UNC79: variants seen among roughly 807,000 people sequenced by gnomAD.
UNC79 encodes the protein protein unc-79 homolog.
A neutral mutation model predicts 283.1 loss-of-function variants in UNC79; 37 were observed. The ratio of observed to expected loss-of-function variants is 0.13; its 90% CI spans 0.10 to 0.17. The LOEUF is 0.17. Among genes scored for constraint, UNC79 ranks in the 10% least tolerant of loss-of-function variants. The pLI is 1.00. For missense variants in UNC79, 2,272 were observed against 3,211.1 expected (o/e 0.71, Z 7.07); for synonymous variants, 1,107 against 1,200.2 (o/e 0.92, Z 1.61).
intron 42 of UNC79, among the ~76,000 whole-genome samples, chr14:93,685,689 C>T (rs147376789): frequency 2.0e-5 from 3 of 152,188 alleles, no homozygotes; most frequent in African/African-American, 7.2e-5. Context: ...AGGCCTTTAG[C>T]GTAGTATTCA....
intron 8 of UNC79, among the ~76,000 whole-genome samples, chr14:93,524,359 A>C (rs192557943): frequency 5.1e-4 from 77 of 152,344 alleles, no homozygotes; most frequent in African/African-American, 1.7e-3. Context: ...ACTCAGGGAA[A>C]TGTATTTTCT....
intron 1 of UNC79, among the ~76,000 whole-genome samples, chr14:93,438,071 C>T (rs2056155272): frequency 6.6e-6 from 1 of 152,138 alleles, no homozygotes; most frequent in Non-Finnish European, 1.5e-5. Context: ...AGCTATTCTT[C>T]CATTGGTTTT....
chr14:93,503,165 T>G (rs1275248425), intron 7 of UNC79, among the ~76,000 whole-genome samples: 8 of 152,136 alleles, frequency 5.3e-5, no homozygotes, highest in African/African-American at 1.9e-4. Flanking sequence ...AAAAATGGAA[T>G]AATCCATTAT....
intron 1 of UNC79, among the ~76,000 whole-genome samples, chr14:93,354,710 C>T (rs1402209448): frequency 6.6e-6 from 1 of 152,108 alleles, no homozygotes; most frequent in African/African-American, 2.4e-5. Context: ...CTATGTTGCC[C>T]AGACTGGTCT....
intron 5 of UNC79, among the ~76,000 whole-genome samples, chr14:93,494,424 A>G (rs897125737): frequency 3.9e-5 from 6 of 152,214 alleles, no homozygotes; most frequent in African/African-American, 1.4e-4. Context: ...TGGAAGAAGA[A>G]GATCAGGCCT....
chr14:93,660,565 G>A (rs5003592), intron 39 of UNC79, among the ~76,000 whole-genome samples: 1,151 of 83,666 alleles, frequency 0.014, 6 homozygotes, highest in African/African-American at 0.04. Flanking sequence ...ATATATATAT[G>A]TGTGTGTGTG....
At chr14:93,601,571 G>T (rs1596024858) in intron 25 of UNC79, among the ~76,000 whole-genome samples, 1 of 152,178 alleles carries the variant, frequency 6.6e-6, no homozygotes, top group Non-Finnish European at 1.5e-5. Flanking sequence ...ACATGCATGT[G>T]CAAATGTCTT....
chr14:93,564,608 G>A (rs1026912243), intron 14 of UNC79, among the ~76,000 whole-genome samples: 9 of 152,222 alleles, frequency 5.9e-5, no homozygotes, highest in Non-Finnish European at 8.8e-5. Flanking sequence ...CACCAAACAG[G>A]CTTTGTGTGA....
At chr14:93,576,258 G>T (rs1413814263) in intron 17 of UNC79, among the ~76,000 whole-genome samples, 1 of 152,126 alleles carries the variant, frequency 6.6e-6, no homozygotes, top group Non-Finnish European at 1.5e-5. Flanking sequence ...TCTTAATGGG[G>T]TAATCTTCCT....
At chr14:93,481,791 A>G (rs535770485) in intron 4 of UNC79, among the ~76,000 whole-genome samples, 1 of 152,350 alleles carries the variant, frequency 6.6e-6, no homozygotes, top group African/African-American at 2.4e-5. Flanking sequence ...ATATTTAAAT[A>G]ATCTTTAATA....
intron 1 of UNC79, among the ~76,000 whole-genome samples, chr14:93,452,367 A>T (rs956045003): frequency 2.8e-5 from 4 of 144,658 alleles, no homozygotes; most frequent in Admixed American, 7.2e-5. Flanking sequence ...TTACACCTGG[A>T]CTGCATGATT....
At chr14:93,643,026 G>A (rs1416771134) in intron 33 of UNC79, among the ~76,000 whole-genome samples, 2 of 152,258 alleles carry the variant, frequency 1.3e-5, no homozygotes, top group Admixed American at 6.5e-5. Flanking sequence ...AAACTCATCT[G>A]AGTGAGTGGT....
chr14:93,433,438 A>G (rs886956940), intron 1 of UNC79, among the ~76,000 whole-genome samples: 4 of 152,240 alleles, frequency 2.6e-5, no homozygotes, highest in African/African-American at 4.8e-5. Context: ...GTTGATGTTC[A>G]TGAAGGACAA....
upstream of UNC79, among the ~76,000 whole-genome samples, chr14:93,427,444 A>G (rs1296351318): frequency 6.6e-6 from 1 of 152,194 alleles, no homozygotes; most frequent in Non-Finnish European, 1.5e-5. Context: ...ATGTAAAATA[A>G]TATATGTTGC....
At chr14:93,655,471 A>C in intron 38 of UNC79, 64 bp downstream of exon 41, 1 of 1,574,716 alleles carries the variant, frequency 6.4e-7, no homozygotes, top group Non-Finnish European at 8.7e-7. Flanking sequence ...GTTTATTTAC[A>C]AGCAGCAGAG....
intron 1 of UNC79, among the ~76,000 whole-genome samples, chr14:93,402,371 GAAAC>G (rs1031669316): frequency 5.4e-5 from 8 of 148,410 alleles, no homozygotes; most frequent in African/African-American, 1.7e-4. Context: ...TTATTTTTAT[GAAAC>G]AAACTGTCAA....
chr14:93,606,213 C>T (rs1300256888), intron 26 of UNC79, among the ~76,000 whole-genome samples: 1 of 152,148 alleles, frequency 6.6e-6, no homozygotes, highest in African/African-American at 2.4e-5. Flanking sequence ...TGTGGGAAAA[C>T]ATGTACATGT....
chr14:93,465,740 A>T (rs969569210), intron 1 of UNC79, among the ~76,000 whole-genome samples: 3 of 152,214 alleles, frequency 2.0e-5, no homozygotes, highest in Admixed American at 1.3e-4. Context: ...CTTATTGTCC[A>T]TACCCTGTAC....
chr14:93,639,020 C>A (rs1192624397), intron 32 of UNC79, among the ~76,000 whole-genome samples: 1 of 152,208 alleles, frequency 6.6e-6, no homozygotes, highest in Non-Finnish European at 1.5e-5. Context: ...GGAAAAACAA[C>A]TTCACAATGC....
Sources: gnomAD v4.1 joint callset for allele counts (sites outside exome capture counted in the v4.1 genomes callset) on GRCh38, gnomAD v4.1.1 for gene constraint, MANE v1.5 for transcripts, NCBI Gene and HGNC (gene_info 2026-07-23, HGNC 2026-07-21) for gene names.